NPY2R: variants seen among roughly 807,000 people sequenced by gnomAD.
NPY2R encodes the protein neuropeptide Y receptor Y2.
Under a neutral mutation model 22.3 loss-of-function variants are expected in NPY2R, and 17 were observed. That is an observed-to-expected ratio of 0.76 (90% CI 0.52 to 1.14). The LOEUF is 1.14. NPY2R is among the 50% of genes most tolerant of loss of function. The probability of loss-of-function intolerance (pLI) is 0.00; values close to 1 mark genes in which losing one functional copy is unlikely to be tolerated. For synonymous variants in NPY2R, 209 were observed against 183.4 expected (o/e 1.14, Z -1.13); for missense variants, 424 against 467.9 (o/e 0.91, Z 0.87).
chr4:155,173,956 A>T, the NPY2R span, among the ~76,000 whole-genome samples: 3 of 152,148 alleles, frequency 2.0e-5, no homozygotes, highest in Non-Finnish European at 2.9e-5. Flanking sequence ...GTACTTTAAT[A>T]CATGTTTTAA....
chr4:155,213,877 GT>G lies in NPY2R; in HGVS notation c.-48-9del, dbSNP rs1452001827. ...TGTTGTTGTTGTTTTGTTTTATTTT[GT>G]TTTTTCTTTTTAGGTTGTAGACTCT... is the stretch of plus-strand genomic sequence containing the variant. On this transcript the variant is annotated splice_polypyrimidine_tract_variant and intron_variant, in intron 1 of 1. Coordinates refer to ENST00000329476, the MANE Select transcript of NPY2R (RefSeq NM_000910.4). 48 of 1,351,906 alleles carry G rather than the reference GT, an allele frequency of 3.6e-5. No individual in the cohort carries two copies. The East Asian group carries it at 4.8e-4, about 14-fold the overall frequency. The allele number at this position is 1,351,906 out of a possible 1,614,324, so 83.7% of individuals were successfully genotyped here.
chr4:155,189,992 T>C, the NPY2R span, among the ~76,000 whole-genome samples: 1 of 152,000 alleles, frequency 6.6e-6, no homozygotes, highest in African/African-American at 2.4e-5. Flanking sequence ...GAACAAATGC[T>C]TTTCTCTCTC....
chr4:155,185,757 G>A, the NPY2R span, among the ~76,000 whole-genome samples: 3 of 134,734 alleles, frequency 2.2e-5, no homozygotes, highest in African/African-American at 8.9e-5. Context: ...TTGATTAAGA[G>A]AGAATCATGT....
At chr4:155,174,484 A>ATATATATATTTT in the NPY2R span, among the ~76,000 whole-genome samples, 58 of 106,066 alleles carry the variant, frequency 5.5e-4, 1 homozygote, top group African/African-American at 2.4e-3. Context: ...ATATATATAT[A>ATATATATATTTT]TTTTTTTTTT....
At chr4:155,213,471 A>C (rs1370399879) in intron 1 of NPY2R, among the ~76,000 whole-genome samples, 1 of 152,194 alleles carries the variant, frequency 6.6e-6, no homozygotes, top group East Asian at 1.9e-4. Context: ...ATAAATTTGA[A>C]ACAGTCAAGA....
the NPY2R span, among the ~76,000 whole-genome samples, chr4:155,176,531 T>A: frequency 6.6e-6 from 1 of 152,146 alleles, no homozygotes. Flanking sequence ...TTCTTCTGTT[T>A]ACATGATAAA....
the NPY2R span, among the ~76,000 whole-genome samples, chr4:155,198,729 A>G: frequency 1.3e-5 from 2 of 151,012 alleles, no homozygotes; most frequent in African/African-American, 4.9e-5. Context: ...GTTCAGATAG[A>G]TTAAATGACA....
At chr4:155,177,572 C>T in the NPY2R span, among the ~76,000 whole-genome samples, 1 of 152,134 alleles carries the variant, frequency 6.6e-6, no homozygotes, top group East Asian at 1.9e-4. Flanking sequence ...ATGCTGGTGG[C>T]TCAATAGTTC....
chr4:155,210,662 GA>G (rs111938581), intron 1 of NPY2R, among the ~76,000 whole-genome samples: 9,871 of 152,230 alleles, frequency 0.065, 383 homozygotes, highest in Middle Eastern at 0.13. Flanking sequence ...AGGCACATGT[GA>G]AAAGAGGCTG....
the NPY2R span, among the ~76,000 whole-genome samples, chr4:155,200,423 A>AACATTGTGGAAG: frequency 2.0e-5 from 3 of 152,310 alleles, no homozygotes; most frequent in Non-Finnish European, 4.4e-5. Flanking sequence ...AATTAGTTCA[A>AACATTGTGGAAG]ACATTGTGGA....
intron 1 of NPY2R, among the ~76,000 whole-genome samples, chr4:155,211,487 T>C (rs1281164980): frequency 2.0e-5 from 3 of 152,086 alleles, no homozygotes; most frequent in Non-Finnish European, 4.4e-5. Flanking sequence ...CAGAGGGATA[T>C]GCAGGGATGA....
the NPY2R span, among the ~76,000 whole-genome samples, chr4:155,197,961 C>T: frequency 2.6e-5 from 4 of 152,064 alleles, no homozygotes; most frequent in Non-Finnish European, 5.9e-5. Context: ...CTTCTACTCT[C>T]ATTTCCTCTT....
chr4:155,193,433 T>G, the NPY2R span, among the ~76,000 whole-genome samples: 1 of 151,836 alleles, frequency 6.6e-6, no homozygotes, highest in Non-Finnish European at 1.5e-5. Flanking sequence ...TTATCCAAGG[T>G]GCAAGCAGGA....
At chr4:155,194,249 T>A in the NPY2R span, among the ~76,000 whole-genome samples, 1 of 151,944 alleles carries the variant, frequency 6.6e-6, no homozygotes, top group Admixed American at 6.6e-5. Context: ...TTTTTCTTTT[T>A]TAAGTTTTAT....
At chr4:155,205,035 T>C (rs1729254188), upstream of NPY2R, among the ~76,000 whole-genome samples, 1 of 152,148 alleles carries the variant, frequency 6.6e-6, no homozygotes, top group East Asian at 1.9e-4. Context: ...TGTGTTTGGG[T>C]GAAAAAGATC....
chr4:155,211,143 T>C (rs1197343735), intron 1 of NPY2R, among the ~76,000 whole-genome samples: 2 of 152,250 alleles, frequency 1.3e-5, no homozygotes, highest in Non-Finnish European at 2.9e-5. Flanking sequence ...ATAATTGTGC[T>C]TTCCTTTAGC....
At chr4:155,211,878 C>T (rs1729411519) in intron 1 of NPY2R, among the ~76,000 whole-genome samples, 1 of 152,158 alleles carries the variant, frequency 6.6e-6, no homozygotes, top group African/African-American at 2.4e-5. Context: ...ACCAGAGCTA[C>T]AGAACTGCTG....
the NPY2R span, among the ~76,000 whole-genome samples, chr4:155,195,787 T>C: frequency 9.9e-5 from 15 of 151,932 alleles, no homozygotes; most frequent in Admixed American, 9.9e-4. Flanking sequence ...GCAAGATGAA[T>C]GAACCACTCA....
At chr4:155,207,073 T>A, upstream of NPY2R, 1 of 152,220 alleles carries the variant, frequency 6.6e-6, no homozygotes, top group East Asian at 1.9e-4. Flanking sequence ...CCTTTGTTTC[T>A]AGGTATTTGA....
Sources: allele counts gnomAD v4.1 joint callset (sites outside exome capture counted in the v4.1 genomes callset), GRCh38; gene constraint gnomAD v4.1.1; transcripts MANE v1.5; gene names NCBI Gene and HGNC (gene_info 2026-07-23, HGNC 2026-07-21).